Variants in SCAF4 observed in about 807,000 individuals in gnomAD.
SCAF4 encodes the protein SR-related and CTD-associated factor 4.
Under a neutral mutation model 129.8 loss-of-function variants are expected in SCAF4, and 25 were observed. The ratio of observed to expected loss-of-function variants is 0.19; its 90% CI spans 0.14 to 0.27. SCAF4 has a LOEUF of 0.27. SCAF4 is among the 10% of genes least tolerant of loss of function. The probability of loss-of-function intolerance (pLI) is 1.00; values close to 1 mark genes in which losing one functional copy is unlikely to be tolerated. For synonymous variants in SCAF4, 551 were observed against 497.7 expected (o/e 1.11, Z -1.43); for missense variants, 1,246 against 1,457.1 (o/e 0.86, Z 2.36).
intron 1 of SCAF4, among the ~76,000 whole-genome samples, chr21:31,708,509 T>C (rs1449345461): frequency 1.3e-5 from 2 of 152,220 alleles, no homozygotes; most frequent in Non-Finnish European, 2.9e-5. Flanking sequence ...CACTGTATGA[T>C]TTATAAATAT....
Position 31,703,903 on chromosome 21 carries a change from C to G in SCAF4, c.183G>C (p.Pro61=). Residue 61 remains proline (P), a synonymous_variant, in exon 4 of 20, where the codon CCG becomes CCC. Transcript: ENST00000286835. ...IKKCKPEYKV[P]GLYVIDSIVR... is the part of the protein sequence containing the mutation. Reference sequence around the variant, plus strand: ...CAATTGAGTCAATTACATATAATCCCGGAACCTTGTATTCTGGTTTACACT... The same window carrying G: ...CAATTGAGTCAATTACATATAATCCGGGAACCTTGTATTCTGGTTTACACT... 4.4e-6 allele frequency: 7 copies of G among 1,580,618 alleles called. No individual in the cohort carries two copies. Among genetic ancestry groups the G allele is most frequent in the Non-Finnish European group, 6.1e-6 (7 of 1,156,616 alleles).
At chr21:31,715,892 T>C (rs1284822107) in intron 1 of SCAF4, among the ~76,000 whole-genome samples, 1 of 152,218 alleles carries the variant, frequency 6.6e-6, no homozygotes, top group South Asian at 2.1e-4. Flanking sequence ...ATATTTGGTA[T>C]ATAGTTTTCA....
intron 19 of SCAF4, among the ~76,000 whole-genome samples, chr21:31,677,183 T>C (rs1476384086): frequency 6.6e-6 from 1 of 152,132 alleles, no homozygotes. Flanking sequence ...TCCACATTAC[T>C]CCTACTGTCT....
At chr21:31,723,953 T>C (rs926805407) in intron 1 of SCAF4, among the ~76,000 whole-genome samples, 3 of 152,178 alleles carry the variant, frequency 2.0e-5, no homozygotes, top group Non-Finnish European at 4.4e-5. Context: ...GGGCTTCTAA[T>C]TCTTAACTCC....
intron 1 of SCAF4, among the ~76,000 whole-genome samples, chr21:31,717,892 T>TAC (rs1295847445): frequency 3.7e-5 from 4 of 108,516 alleles, no homozygotes; most frequent in Non-Finnish European, 5.2e-5. Context: ...TATACACATA[T>TAC]ATACACATAT....
At chr21:31,719,568 G>C (rs1008113079) in intron 1 of SCAF4, among the ~76,000 whole-genome samples, 1 of 151,932 alleles carries the variant, frequency 6.6e-6, no homozygotes, top group Non-Finnish European at 1.5e-5. Flanking sequence ...GCAATGGTGT[G>C]ATCTCAGCGC....
Position 31,690,902 on chromosome 21 carries a change from C to G in SCAF4, c.1780G>C (p.Asp594His). ...GIKADYKQYWDVELGVTYIPW... is the reference protein window; with the variant it reads ...GIKADYKQYWHVELGVTYIPW... ...ATATAAGTAACACCAAGTTCTACAT[C>G]CCAATACTGCTTATAATCTGCCTTT... The change falls in exon 15 of 20, where the codon GAT (aspartate) becomes CAT (histidine). Residue 594 changes from aspartate (D) to histidine (H), a missense_variant. Physicochemically the swap from Asp to His is moderately conservative, Grantham distance 81. Coordinates refer to ENST00000286835, the MANE Select transcript of SCAF4 (RefSeq NM_020706.2). The G allele has an allele frequency of 6.2e-7, 1 of 1,613,310 alleles. No homozygotes were observed. Among genetic ancestry groups the G allele is most frequent in the Non-Finnish European group, 8.5e-7 (1 of 1,179,432 alleles).
intron 1 of SCAF4, among the ~76,000 whole-genome samples, chr21:31,727,356 G>A (rs2051231633): frequency 6.6e-6 from 1 of 151,984 alleles, no homozygotes; most frequent in African/African-American, 2.4e-5. Context: ...GGAATTACAG[G>A]CGTAAGCCAC....
intron 7 of SCAF4, 41 bp downstream of exon 7, chr21:31,700,954 G>T: frequency 1.3e-6 from 2 of 1,582,704 alleles, no homozygotes; most frequent in Non-Finnish European, 1.7e-6. Flanking sequence ...CTCAAGTTGA[G>T]TGATATAAAT....
At chr21:31,710,699 T>C (rs536080608) in intron 1 of SCAF4, among the ~76,000 whole-genome samples, 8 of 152,308 alleles carry the variant, frequency 5.3e-5, no homozygotes, top group Non-Finnish European at 1.0e-4. Flanking sequence ...CATAGCCAAA[T>C]GCTACAAGAG....
At position 31,701,839 on chromosome 21, in the gene SCAF4, C is replaced by T. The variant is rs2050539860; in HGVS notation, c.537G>A (p.Gln179=). 26 of 1,613,898 alleles carry T rather than the reference C, an allele frequency of 1.6e-5. No homozygotes were observed. The highest frequency in any genetic ancestry group is 2.1e-5 in the Non-Finnish European group (25 of 1,180,004). The change falls in exon 6 of 20, where the codon CAG becomes CAA. Residue 179 remains glutamine, a synonymous_variant. Transcript: ENST00000286835. ...ATPNSVPAVP[Q]LPSSDAFAAV... is the part of the protein sequence containing the mutation. ...CAGCAAAAGCATCAGAGCTGGGCAA[C>T]TGTGGTACAGCTGGGACGGAGTTTG... is the stretch of plus-strand genomic sequence containing the variant.
At chr21:31,706,487 A>G in intron 1 of SCAF4, 130 bp from the exon 2 acceptor site, 1 of 633,894 alleles carries the variant, frequency 1.6e-6, no homozygotes, top group Non-Finnish European at 2.8e-6. Flanking sequence ...GGGTCTTAGC[A>G]GCTAGGGCAG....
rs1167249452 is a variant in SCAF4 at position 31,693,327 on chromosome 21, CT to C, written c.1479del (p.Gly494AlafsTer5). 12 of 1,518,926 alleles carry C rather than the reference CT, an allele frequency of 7.9e-6. No homozygotes were observed. The highest frequency in any genetic ancestry group is 1.2e-5 in the South Asian group (1 of 80,528). The allele number at this position is 1,518,926 out of a possible 1,614,324, so 94.1% of individuals were successfully genotyped here. On this transcript the variant is annotated frameshift_variant, in exon 12 of 20. Coordinates refer to ENST00000286835, the MANE Select transcript of SCAF4 (RefSeq NM_020706.2). LOFTEE classifies it high-confidence loss of function. ...DREKERERRQ[K>X]GLPQVKPETA... ...GTTTCCGGTTTCACTTGAGGGAGGC[CT>C]TTTTGTCGACGTTCTCTCTCTTTTT...
intron 14 of SCAF4, 85 bp from the exon 15 acceptor site, chr21:31,691,038 T>C (rs568967264): frequency 1.6e-5 from 19 of 1,187,234 alleles, no homozygotes; most frequent in Middle Eastern, 4.0e-4. Flanking sequence ...ATTCTATCCA[T>C]TCCGACTCGG....
intron 1 of SCAF4, among the ~76,000 whole-genome samples, chr21:31,712,265 T>C (rs2050817706): frequency 6.7e-6 from 1 of 149,044 alleles, no homozygotes; most frequent in Admixed American, 6.8e-5. Context: ...TCTCCCATGC[T>C]GGAGTGCAGT....
chr21:31,722,449 G>A (rs2051092624), intron 1 of SCAF4, among the ~76,000 whole-genome samples: 2 of 151,802 alleles, frequency 1.3e-5, no homozygotes, highest in South Asian at 4.2e-4. Flanking sequence ...AACCAGAATC[G>A]GCCTCAAACA....
intron 11 of SCAF4, 61 bp from the exon 12 acceptor site, chr21:31,693,545 C>A: frequency 8.9e-7 from 1 of 1,119,390 alleles, no homozygotes; most frequent in Non-Finnish European, 1.2e-6. Context: ...AAAATATAAG[C>A]ACATACTAAT....
At chr21:31,675,064 C>T (rs1682406628) in intron 19 of SCAF4, among the ~76,000 whole-genome samples, 1 of 152,134 alleles carries the variant, frequency 6.6e-6, no homozygotes, top group Non-Finnish European at 1.5e-5. Context: ...ACTATCAAGA[C>T]ATTACTAGCA....
At chr21:31,696,041 C>T in intron 9 of SCAF4, 72 bp downstream of exon 9, 2 of 1,040,170 alleles carry the variant, frequency 1.9e-6, no homozygotes, top group African/African-American at 1.6e-5. Context: ...CTGCAGAGTG[C>T]TCTGTGGAAT....
Sources: allele counts gnomAD v4.1 joint callset (sites outside exome capture counted in the v4.1 genomes callset), GRCh38; gene constraint gnomAD v4.1.1; transcripts MANE v1.5; gene names NCBI Gene and HGNC (gene_info 2026-07-23, HGNC 2026-07-21).